DSCAM: variants seen among roughly 807,000 people sequenced by gnomAD.
The protein encoded by DSCAM is cell adhesion molecule DSCAM.
Under a neutral mutation model 217.7 loss-of-function variants are expected in DSCAM, and 47 were observed. The ratio of observed to expected loss-of-function variants is 0.22; its 90% CI spans 0.17 to 0.28. The LOEUF (loss-of-function observed/expected upper bound fraction) is 0.28. Among genes scored for constraint, DSCAM ranks in the 10% least tolerant of loss-of-function variants. DSCAM has a pLI of 1.00. For synonymous variants in DSCAM, 1,056 were observed against 1,015.3 expected, an observed-to-expected ratio of 1.04 and a Z score of -0.76; for missense variants, 2,080 against 2,618.3, an observed-to-expected ratio of 0.79 and a Z score of 4.49.
intron 9 of DSCAM, among the ~76,000 whole-genome samples, chr21:40,305,173 T>C (rs780830647): frequency 1.4e-4 from 21 of 152,132 alleles, no homozygotes; most frequent in Non-Finnish European, 2.5e-4. Context: ...GTGCATCACC[T>C]GAGGCCAGGA....
intron 3 of DSCAM, among the ~76,000 whole-genome samples, chr21:40,379,971 C>T (rs931510558): frequency 6.6e-6 from 1 of 152,134 alleles, no homozygotes; most frequent in Non-Finnish European, 1.5e-5. Flanking sequence ...AGAAATAACA[C>T]CATCACATGG....
At chr21:40,779,032 G>GAAAAAA (rs772208075) in intron 1 of DSCAM, among the ~76,000 whole-genome samples, 4 of 45,548 alleles carry the variant, frequency 8.8e-5, no homozygotes, top group African/African-American at 1.7e-4. Context: ...CTCAAAAACA[G>GAAAAAA]AAAAAAAAAA....
intron 3 of DSCAM, among the ~76,000 whole-genome samples, chr21:40,560,532 A>G (rs138228897): frequency 6.6e-6 from 1 of 152,214 alleles, no homozygotes; most frequent in African/African-American, 2.4e-5. Flanking sequence ...TAATACAGCG[A>G]CTCCTCGACT....
chr21:40,786,952 G>A (rs1415403303), intron 1 of DSCAM, among the ~76,000 whole-genome samples: 1 of 152,206 alleles, frequency 6.6e-6, no homozygotes, highest in East Asian at 1.9e-4. Flanking sequence ...GGATGACACA[G>A]TTTGCAAACT....
chr21:40,574,178 G>GT (rs2076830854), intron 3 of DSCAM, among the ~76,000 whole-genome samples: 2 of 151,604 alleles, frequency 1.3e-5, no homozygotes, highest in Non-Finnish European at 2.9e-5. Flanking sequence ...AACATTATAA[G>GT]TTTAAGAAAA....
At position 40,633,241 on chromosome 21, in the gene DSCAM, G is replaced by A. The variant is rs560275857; in HGVS notation, c.508+59569C>T. Among the ~76,000 whole-genome samples, 33 of 152,234 alleles carry A rather than the reference G, an allele frequency of 2.2e-4. 1 individual carries two copies. The highest frequency in any genetic ancestry group is 6.8e-3 in the Middle Eastern group (2 of 294). On this transcript the variant is annotated intron_variant, in intron 3 of 32. Coordinates refer to ENST00000400454, the MANE Select transcript of DSCAM (RefSeq NM_001389.5). The stretch of plus-strand genomic sequence containing the variant: ...GAAGCAGAGAGTGGCAGTCTGAAAC[G>A]ACTTTTTCTATTGCATCTGGCACAT...
At chr21:40,223,384 T>G (rs540250988) in intron 11 of DSCAM, among the ~76,000 whole-genome samples, 1 of 152,354 alleles carries the variant, frequency 6.6e-6, no homozygotes, top group South Asian at 2.1e-4. Flanking sequence ...CAGCTGCTAC[T>G]ATCCTAAGGG....
intron 3 of DSCAM, among the ~76,000 whole-genome samples, chr21:40,536,329 AC>A (rs138394706): frequency 0.1 from 15,444 of 151,944 alleles, 1,019 homozygotes; most frequent in Middle Eastern, 0.21. Flanking sequence ...GTGATGTGAA[AC>A]CATCTAAGAT....
chr21:40,523,000 C>A (rs924562769), intron 3 of DSCAM, among the ~76,000 whole-genome samples: 1 of 152,180 alleles, frequency 6.6e-6, no homozygotes, highest in Non-Finnish European at 1.5e-5. Flanking sequence ...TTCACCACGG[C>A]TCTGGTGATG....
chr21:40,729,891 T>A (rs1200806902), intron 1 of DSCAM, among the ~76,000 whole-genome samples: 1 of 152,216 alleles, frequency 6.6e-6, no homozygotes, highest in Non-Finnish European at 1.5e-5. Flanking sequence ...TCAGTTGGAA[T>A]TCATTAATTT....
intron 3 of DSCAM, among the ~76,000 whole-genome samples, chr21:40,484,068 G>A (rs2076004938): frequency 6.6e-6 from 1 of 152,206 alleles, no homozygotes; most frequent in Non-Finnish European, 1.5e-5. Flanking sequence ...TGTTAGACAA[G>A]GTTCTTGCTT....
intron 2 of DSCAM, among the ~76,000 whole-genome samples, chr21:40,700,005 T>C (rs893050554): frequency 4.6e-5 from 7 of 152,192 alleles, no homozygotes; most frequent in Admixed American, 4.6e-4. Flanking sequence ...ATGCCTAGCC[T>C]CAATGCTTCA....
At chr21:40,394,759 A>G (rs973226299) in intron 3 of DSCAM, among the ~76,000 whole-genome samples, 8 of 152,234 alleles carry the variant, frequency 5.3e-5, no homozygotes, top group African/African-American at 1.4e-4. Flanking sequence ...CACCTGGAAG[A>G]CAGGGGAGAG....
chr21:40,475,426 A>T (rs996961205), intron 3 of DSCAM, among the ~76,000 whole-genome samples: 1 of 152,202 alleles, frequency 6.6e-6, no homozygotes, highest in Admixed American at 6.5e-5. Flanking sequence ...CCCCTTCGTC[A>T]TGATTGTAGA....
chr21:40,687,376 T>TC (rs2090490756), intron 3 of DSCAM, among the ~76,000 whole-genome samples: 1 of 152,088 alleles, frequency 6.6e-6, no homozygotes, highest in Admixed American at 6.5e-5. Context: ...CAGACTCAGG[T>TC]CTCCGCAAGA....
intron 5 of DSCAM, among the ~76,000 whole-genome samples, chr21:40,348,597 T>G (rs113270988): frequency 6.7e-6 from 1 of 149,058 alleles, no homozygotes; most frequent in East Asian, 2.0e-4. Flanking sequence ...GCAATCAAAC[T>G]CCACACAGCT....
chr21:40,765,364 T>C (rs983667087), intron 1 of DSCAM, among the ~76,000 whole-genome samples: 8 of 133,954 alleles, frequency 6.0e-5, no homozygotes, highest in Middle Eastern at 3.7e-3. Context: ...CCTCCTCTGC[T>C]TCCGTGGGGC....
chr21:40,511,560 T>C (rs1568865162), intron 3 of DSCAM, among the ~76,000 whole-genome samples: 1 of 152,222 alleles, frequency 6.6e-6, no homozygotes, highest in African/African-American at 2.4e-5. Context: ...GAATCACTAA[T>C]GTTGTTTTCA....
intron 6 of DSCAM, among the ~76,000 whole-genome samples, chr21:40,342,138 T>A (rs916693665): frequency 2.0e-5 from 3 of 152,172 alleles, no homozygotes; most frequent in African/African-American, 7.2e-5. Context: ...ATTAGACTGT[T>A]TGCCTTTTTG....
Sources: gnomAD v4.1 joint callset for allele counts (sites outside exome capture counted in the v4.1 genomes callset) on GRCh38, gnomAD v4.1.1 for gene constraint, MANE v1.5 for transcripts, NCBI Gene and HGNC (gene_info 2026-07-23, HGNC 2026-07-21) for gene names.